PPARGC1A: variants seen among roughly 807,000 people sequenced by gnomAD.
PPARGC1A encodes peroxisome proliferator-activated receptor gamma coactivator 1-alpha.
A neutral mutation model predicts 88.7 loss-of-function variants in PPARGC1A; 25 were observed. The ratio of observed to expected loss-of-function variants is 0.28; its 90% CI spans 0.21 to 0.39. PPARGC1A has a LOEUF of 0.39. Among genes scored for constraint, PPARGC1A ranks in the 10% least tolerant of loss-of-function variants. PPARGC1A has a pLI of 1.00. For missense variants in PPARGC1A, 880 were observed against 968.7 expected, an observed-to-expected ratio of 0.91 and a Z score of 1.22; for synonymous variants, 363 against 355.6, an observed-to-expected ratio of 1.02 and a Z score of -0.24.
intron 2 of PPARGC1A, among the ~76,000 whole-genome samples, chr4:23,861,925 A>G (rs532883073): frequency 1.6e-4 from 24 of 152,310 alleles, no homozygotes; most frequent in African/African-American, 5.8e-4. Context: ...GAGTTCAATA[A>G]AAGACTTTAA....
chr4:24,275,306 AATT>A, the PPARGC1A span, among the ~76,000 whole-genome samples: 1 of 152,182 alleles, frequency 6.6e-6, no homozygotes, highest in African/African-American at 2.4e-5. Flanking sequence ...ATCTACTTCT[AATT>A]CTGTAGCATA....
chr4:24,145,571 T>G, the PPARGC1A span, among the ~76,000 whole-genome samples: 1 of 152,226 alleles, frequency 6.6e-6, no homozygotes, highest in African/African-American at 2.4e-5. Context: ...GATGCTGCCT[T>G]GGGAAATACA....
the PPARGC1A span, among the ~76,000 whole-genome samples, chr4:24,265,377 T>C: frequency 6.6e-6 from 1 of 152,190 alleles, no homozygotes; most frequent in Non-Finnish European, 1.5e-5. Context: ...ATCTGAACAC[T>C]TCTCATTCCC....
At chr4:24,288,278 T>C in the PPARGC1A span, among the ~76,000 whole-genome samples, 1 of 152,206 alleles carries the variant, frequency 6.6e-6, no homozygotes, top group Admixed American at 6.5e-5. Flanking sequence ...ATTATGACCC[T>C]AGCTGGGTTT....
chr4:23,818,956 T>C (rs1240385575), intron 7 of PPARGC1A, among the ~76,000 whole-genome samples: 1 of 148,590 alleles, frequency 6.7e-6, no homozygotes, highest in Non-Finnish European at 1.5e-5. Flanking sequence ...ATATGTTGCA[T>C]GCCAATTCAG....
the PPARGC1A span, among the ~76,000 whole-genome samples, chr4:24,285,481 G>A: frequency 2.0e-5 from 3 of 152,156 alleles, no homozygotes; most frequent in Non-Finnish European, 2.9e-5. Flanking sequence ...GAAGTGACAC[G>A]ACTTGATGTT....
the PPARGC1A span, among the ~76,000 whole-genome samples, chr4:24,183,426 C>T: frequency 2.0e-5 from 3 of 152,190 alleles, no homozygotes; most frequent in South Asian, 2.1e-4. Context: ...CGCCTTCCAA[C>T]CACTGAAGAG....
At chr4:24,426,765 T>A in the PPARGC1A span, among the ~76,000 whole-genome samples, 1 of 152,168 alleles carries the variant, frequency 6.6e-6, no homozygotes, top group African/African-American at 2.4e-5. Context: ...CCCTCTCTAG[T>A]GTTATCACAC....
chr4:23,831,585 G>A lies in PPARGC1A; in HGVS notation c.401C>T (p.Pro134Leu), dbSNP rs1288109429. 7 of 1,614,130 alleles carry A rather than the reference G, an allele frequency of 4.3e-6. No homozygotes were observed. Among genetic ancestry groups the A allele is most frequent in the African/African-American group, 1.3e-5 (1 of 75,058 alleles). ...SPSSMPDGTP[P>L]PQEAEEPSLL... The stretch of plus-strand genomic sequence containing the variant: ...AGACGGCTCTTCTGCCTCCTGGGGT[G>A]GAGGGGTGCCGTCAGGCATGGAGGA... Residue 134 changes from proline to leucine, a missense_variant, in exon 3 of 13, where the codon CCA (proline) becomes CTA (leucine). Coordinates refer to ENST00000264867, the MANE Select transcript of PPARGC1A (RefSeq NM_013261.5).
At chr4:24,324,843 G>A in the PPARGC1A span, among the ~76,000 whole-genome samples, 52 of 151,836 alleles carry the variant, frequency 3.4e-4, no homozygotes, top group Admixed American at 5.9e-4. Flanking sequence ...CCCAAGCGTC[G>A]CTGAGTCTTT....
the PPARGC1A span, among the ~76,000 whole-genome samples, chr4:24,356,212 A>G: frequency 1.3e-5 from 2 of 151,774 alleles, no homozygotes; most frequent in African/African-American, 2.4e-5. Flanking sequence ...AAAAAAAAAA[A>G]AAAAAGAGAG....
chr4:24,066,116 C>G, the PPARGC1A span, among the ~76,000 whole-genome samples: 1 of 151,968 alleles, frequency 6.6e-6, no homozygotes. Flanking sequence ...TCGGTGGAAG[C>G]TTTCCACCGA....
the PPARGC1A span, among the ~76,000 whole-genome samples, chr4:23,952,400 A>G: frequency 6.6e-6 from 1 of 152,080 alleles, no homozygotes; most frequent in Non-Finnish European, 1.5e-5. Context: ...CCAGAAAACC[A>G]GGAAGTGGGG....
At chr4:23,952,242 A>G in the PPARGC1A span, among the ~76,000 whole-genome samples, 54,068 of 152,000 alleles carry the variant, frequency 0.36, 9,865 homozygotes, top group Middle Eastern at 0.44. Context: ...ACAGGTCACA[A>G]TGATAGTTTA....
chr4:24,061,917 T>C, the PPARGC1A span, among the ~76,000 whole-genome samples: 3 of 152,284 alleles, frequency 2.0e-5, no homozygotes, highest in East Asian at 5.8e-4. Context: ...ATCTCGATTG[T>C]TAATTTAATG....
chr4:24,096,276 A>G, the PPARGC1A span, among the ~76,000 whole-genome samples: 14 of 152,176 alleles, frequency 9.2e-5, no homozygotes, highest in Admixed American at 3.9e-4. Flanking sequence ...AGCCTGCATA[A>G]CTGAGAGTCA....
chr4:24,445,112 C>T, the PPARGC1A span, among the ~76,000 whole-genome samples: 42 of 152,232 alleles, frequency 2.8e-4, no homozygotes, highest in African/African-American at 8.4e-4. Context: ...CCTACACTGA[C>T]CTGACAATCC....
At chr4:24,412,282 T>C in the PPARGC1A span, among the ~76,000 whole-genome samples, 1 of 152,092 alleles carries the variant, frequency 6.6e-6, no homozygotes, top group Non-Finnish European at 1.5e-5. Context: ...CTCCTTCCAT[T>C]TCACCAGGGC....
At chr4:24,112,725 G>A in the PPARGC1A span, among the ~76,000 whole-genome samples, 1 of 152,154 alleles carries the variant, frequency 6.6e-6, no homozygotes, top group Non-Finnish European at 1.5e-5. Context: ...TGAAGTCATT[G>A]GTGACATAAT....
Sources: gnomAD v4.1 joint callset for allele counts (sites outside exome capture counted in the v4.1 genomes callset) on GRCh38, gnomAD v4.1.1 for gene constraint, MANE v1.5 for transcripts, NCBI Gene and HGNC (gene_info 2026-07-23, HGNC 2026-07-21) for gene names.